Variants in DISC1 observed in about 807,000 individuals in gnomAD.
The protein encoded by DISC1 is disrupted in schizophrenia 1 protein.
A neutral mutation model predicts 84.5 loss-of-function variants in DISC1; 57 were observed. The observed-to-expected ratio is 0.67, with a 90% CI of 0.55 to 0.84. DISC1 has a LOEUF of 0.84. DISC1 is among the 40% of genes least tolerant of loss of function. The pLI is 0.00. For synonymous variants in DISC1, 411 were observed against 415.2 expected (o/e 0.99, Z 0.12); for missense variants, 1,000 against 1,057.8 (o/e 0.95, Z 0.76).
chr1:231,832,307 G>A (rs2125824138), intron 9 of DISC1, among the ~76,000 whole-genome samples: 1 of 151,486 alleles, frequency 6.6e-6, no homozygotes, highest in South Asian at 2.1e-4. Flanking sequence ...GCAGACATGA[G>A]GGCTAGGCTA....
Position 231,634,424 on chromosome 1 carries a change from C to T in DISC1, c.67+7490C>T, listed in dbSNP as rs115827215. ...AGAGTTGCAAGAGCTGTTTTGGGAT[C>T]ACAAATCTTCTGAAGAAAAAAAGTT... On this transcript the variant is annotated intron_variant, in intron 1 of 12. Transcript: ENST00000439617. 2.5e-3 allele frequency among the ~76,000 whole-genome samples: 377 copies of T among 152,226 alleles called. 6 individuals carry two copies. The highest frequency in any genetic ancestry group is 8.7e-3 in the African/African-American group (360 of 41,548).
At chr1:231,744,348 T>C (rs1342693760) in intron 3 of DISC1, among the ~76,000 whole-genome samples, 1 of 152,172 alleles carries the variant, frequency 6.6e-6, no homozygotes. Flanking sequence ...GAAGGGAAGC[T>C]CTGATGAATG....
chr1:231,662,115 C>T (rs933739865), intron 1 of DISC1, among the ~76,000 whole-genome samples: 1 of 152,204 alleles, frequency 6.6e-6, no homozygotes, highest in African/African-American at 2.4e-5. Context: ...CTGCCAGCTC[C>T]TTCCTGTGGA....
chr1:231,751,121 T>G (rs1193346660), intron 4 of DISC1, among the ~76,000 whole-genome samples: 5 of 152,238 alleles, frequency 3.3e-5, no homozygotes, highest in African/African-American at 9.6e-5. Flanking sequence ...AGAGTGAATT[T>G]CACCTCGCCA....
At chr1:231,749,835 T>G in intron 3 of DISC1, 91 bp from the exon 4 acceptor site, 1 of 1,559,066 alleles carries the variant, frequency 6.4e-7, no homozygotes, top group Non-Finnish European at 8.8e-7. Flanking sequence ...AAGGCAAAGG[T>G]TCACTACAAC....
At chr1:231,784,817 A>T (rs372133390) in intron 6 of DISC1, among the ~76,000 whole-genome samples, 22 of 152,208 alleles carry the variant, frequency 1.4e-4, no homozygotes, top group East Asian at 5.8e-4. Flanking sequence ...TGGCAAGCAG[A>T]GGCCCTGGTG....
At chr1:231,987,672 G>A (rs1664639750) in intron 10 of DISC1, among the ~76,000 whole-genome samples, 1 of 152,188 alleles carries the variant, frequency 6.6e-6, no homozygotes, top group Non-Finnish European at 1.5e-5. Flanking sequence ...TCTCAGCTGG[G>A]ATGGAAGGCC....
intron 3 of DISC1, among the ~76,000 whole-genome samples, chr1:231,725,876 G>A (rs199863424): frequency 6.4e-4 from 98 of 152,272 alleles, no homozygotes; most frequent in Non-Finnish European, 1.0e-3. Context: ...GAGGGAATGA[G>A]ATTGGTCCTA....
At chr1:231,976,155 T>G (rs1662765677) in intron 10 of DISC1, among the ~76,000 whole-genome samples, 1 of 152,186 alleles carries the variant, frequency 6.6e-6, no homozygotes, top group Non-Finnish European at 1.5e-5. Flanking sequence ...ACCTAACTAT[T>G]TTGGTGCAAA....
intron 9 of DISC1, chr1:231,944,786 T>G (rs985741076): frequency 2.0e-5 from 3 of 152,204 alleles, no homozygotes; most frequent in Non-Finnish European, 4.4e-5. Context: ...AAGCGGAAGT[T>G]ACAATCCTAA....
At chr1:231,782,899 G>A (rs531751341) in intron 6 of DISC1, among the ~76,000 whole-genome samples, 2 of 152,248 alleles carry the variant, frequency 1.3e-5, no homozygotes, top group South Asian at 4.1e-4. Context: ...TGGAGATCGT[G>A]TCACTCTACT....
chr1:231,722,627 C>G (rs1267418243), intron 3 of DISC1: 1 of 1,614,006 alleles, frequency 6.2e-7, no homozygotes, highest in Admixed American at 1.7e-5. Context: ...TTAAACAAAG[C>G]AAGACAAATA....
intron 9 of DISC1, among the ~76,000 whole-genome samples, chr1:231,929,231 C>T (rs2126100636): frequency 6.6e-6 from 1 of 152,244 alleles, no homozygotes; most frequent in South Asian, 2.1e-4. Flanking sequence ...CTTTATGAAT[C>T]TGGGTGCTCC....
intron 5 of DISC1, among the ~76,000 whole-genome samples, chr1:231,770,232 A>T (rs1477468404): frequency 1.3e-5 from 2 of 152,142 alleles, no homozygotes; most frequent in Non-Finnish European, 2.9e-5. Context: ...TGACCTTAAT[A>T]TTAAATGATA....
At chr1:231,844,801 C>T (rs554844315) in intron 9 of DISC1, among the ~76,000 whole-genome samples, 1 of 151,830 alleles carries the variant, frequency 6.6e-6, no homozygotes, top group Admixed American at 6.6e-5. Context: ...GTGGTGGGCG[C>T]CTGTAGTCCC....
intron 4 of DISC1, among the ~76,000 whole-genome samples, chr1:231,765,511 C>T (rs560951390): frequency 7.2e-5 from 11 of 152,154 alleles, no homozygotes; most frequent in Non-Finnish European, 1.2e-4. Flanking sequence ...CCCCACTTGT[C>T]GTTCGCCTAT....
At chr1:231,766,351 G>T (rs550839810) in intron 4 of DISC1, among the ~76,000 whole-genome samples, 3 of 150,940 alleles carry the variant, frequency 2.0e-5, no homozygotes, top group Admixed American at 6.6e-5. Flanking sequence ...TCTGCCAGGA[G>T]CTCAGTTGCA....
At chr1:231,809,418 C>T (rs1306894864) in intron 8 of DISC1, among the ~76,000 whole-genome samples, 1 of 151,092 alleles carries the variant, frequency 6.6e-6, no homozygotes, top group Non-Finnish European at 1.5e-5. Context: ...TTTTATCTCA[C>T]CTGCCCCCTT....
intron 10 of DISC1, among the ~76,000 whole-genome samples, chr1:231,962,846 G>C (rs890432909): frequency 6.6e-6 from 1 of 152,128 alleles, no homozygotes; most frequent in African/African-American, 2.4e-5. Context: ...CTGGCTGCCT[G>C]GGTGGGCGGG....
Sources: gnomAD v4.1 joint callset for allele counts (sites outside exome capture counted in the v4.1 genomes callset) on GRCh38, gnomAD v4.1.1 for gene constraint, MANE v1.5 for transcripts, NCBI Gene and HGNC (gene_info 2026-07-23, HGNC 2026-07-21) for gene names.